PPP1CA: variants seen among roughly 807,000 people sequenced by gnomAD.
PPP1CA encodes serine/threonine-protein phosphatase PP1-alpha catalytic subunit.
PPP1CA carries 14 observed loss-of-function variants against 38.5 expected under a neutral mutation model. That is an observed-to-expected ratio of 0.36 (90% confidence interval 0.24 to 0.57). PPP1CA has a LOEUF of 0.57. Among genes scored for constraint, PPP1CA ranks in the 20% least tolerant of loss-of-function variants. PPP1CA has a pLI of 0.80. For synonymous variants in PPP1CA, 200 were observed against 177.3 expected (o/e 1.13, Z -1.02); for missense variants, 277 against 435.2 (o/e 0.64, Z 3.23).
intron 3 of PPP1CA, 141 bp downstream of exon 3, chr11:67,400,548 G>C: frequency 1.2e-6 from 1 of 824,220 alleles, no homozygotes; most frequent in South Asian, 1.6e-5. Flanking sequence ...GGGCAGGCAC[G>C]AGAACGGACC....
chr11:67,399,911 G>A (rs17878732), intron 3 of PPP1CA, among the ~76,000 whole-genome samples: 6 of 152,280 alleles, frequency 3.9e-5, no homozygotes, highest in African/African-American at 1.2e-4. Flanking sequence ...CGAGGCGGGC[G>A]GATCACCTGA....
At chr11:67,399,209 C>A in intron 4 of PPP1CA, 46 bp from the exon 5 acceptor site, 6 of 1,558,522 alleles carry the variant, frequency 3.8e-6, no homozygotes, top group Non-Finnish European at 5.3e-6. Context: ...GGACATCCTC[C>A]CTCCAGGAAG....
chr11:67,401,001 C>CT, intron 2 of PPP1CA, 67 bp downstream of exon 2: 1 of 1,608,898 alleles, frequency 6.2e-7, no homozygotes, highest in Non-Finnish European at 8.5e-7. Flanking sequence ...GGGAGGAGGG[C>CT]TCCAGGAACT....
At position 67,400,893 on chromosome 11, in the gene PPP1CA, G is replaced by A. The variant is rs1565122218; in HGVS notation, c.214C>T (p.Leu72Phe). 1.2e-6 allele frequency: 2 copies of A among 1,614,162 alleles called. No homozygotes were observed. The highest frequency in any genetic ancestry group is 1.7e-6 in the Non-Finnish European group (2 of 1,180,030). Residue 72 changes from leucine to phenylalanine, a missense_variant, in exon 3 of 7, where the codon CTT (leucine) becomes TTT (phenylalanine). Leu to Phe is a conservative substitution (Grantham distance 22). Transcript: ENST00000376745. ...CCGCCATACTCAAATAGTCGCAGAA[G>A]GTCGTAGTACTGGCCGTGTATGTCA... ...CGDIHGQYYD[L>F]LRLFEYGGFP... is the part of the protein sequence containing the mutation.
chr11:67,398,495 A>G lies in PPP1CA; in HGVS notation c.*40T>C. 1 of 1,591,600 alleles carries G rather than the reference A, an allele frequency of 6.3e-7. No homozygotes were observed. The highest frequency in any genetic ancestry group is 1.1e-5 in the South Asian group (1 of 88,992). ...CAGCATGGCAGCATGATTTCTGTAC[A>G]ATCAATCCATCATCTGGGGCACAGG... On this transcript the variant is annotated 3_prime_UTR_variant, in exon 7 of 7. Transcript: ENST00000376745.
intron 3 of PPP1CA, among the ~76,000 whole-genome samples, chr11:67,400,029 TGG>T (rs1862846920): frequency 2.0e-5 from 3 of 152,230 alleles, no homozygotes; most frequent in Middle Eastern, 3.4e-3. Context: ...CCCAGCTACT[TGG>T]GAGGCTGAGG....
In PPP1CA at chr11:67,398,650, AAG is replaced by A. The variant is rs1234264537; in HGVS notation, c.883-7_883-6del. Reference sequence around the variant, plus strand: ...CTTGTCGGCGGGCTTGAGGATCTAAAAGAGACAGTGTTGGTCAGGCTCATGGG... The same window carrying A: ...CTTGTCGGCGGGCTTGAGGATCTAAAAGACAGTGTTGGTCAGGCTCATGGG... On this transcript the variant is annotated splice_polypyrimidine_tract_variant and splice_region_variant and intron_variant, in intron 6 of 6. Coordinates refer to ENST00000376745, the MANE Select transcript of PPP1CA (RefSeq NM_002708.4). The A allele has an allele frequency of 1.2e-6, 2 of 1,613,966 alleles. No individual in the cohort carries two copies. The highest frequency in any genetic ancestry group is 2.2e-5 in the South Asian group (2 of 91,074).
chr11:67,400,598 C>CTG, intron 3 of PPP1CA, 91 bp downstream of exon 3: 1 of 1,271,964 alleles, frequency 7.9e-7, no homozygotes, highest in South Asian at 1.2e-5. Flanking sequence ...TATCAAGTGT[C>CTG]TGTCAGATAT....
In PPP1CA at chr11:67,398,474, A is replaced by G; in HGVS notation, c.*61T>C. ...GGGGTCGGGGTGACCCCCCCCCAGC[A>G]TGGCAGCATGATTTCTGTACAATCA... On this transcript the variant is annotated 3_prime_UTR_variant, in exon 7 of 7. Transcript: ENST00000376745. The G allele has an allele frequency of 6.5e-7, 1 of 1,535,240 alleles. No homozygotes were observed. The highest frequency in any genetic ancestry group is 1.8e-4 in the Middle Eastern group (1 of 5,454).
intron 1 of PPP1CA, 197 bp downstream of exon 1, chr11:67,401,531 G>A (rs979028884): frequency 1.1e-5 from 6 of 556,478 alleles, no homozygotes; most frequent in Admixed American, 3.5e-5. Context: ...CCCGGGAGAG[G>A]GGGGGAGCTG....
rs1028014060 is a variant in PPP1CA at position 67,398,429 on chromosome 11, C to T, written c.*106G>A. 4 of 1,104,140 alleles carry T rather than the reference C, an allele frequency of 3.6e-6. No homozygotes were observed. The highest frequency in any genetic ancestry group is 3.2e-5 in the African/African-American group (2 of 63,354). 68.4% of individuals were successfully genotyped at this position (1,104,140 alleles called of 1,614,324 possible). A position where few individuals can be genotyped will look rare whatever the true frequency, so the allele number is the denominator to read the frequency against. ...AAAAATACACCAAGGCTCCATGTTC[C>T]CCGTGACAGGTGGGCCTGAGGGGTC... is the stretch of plus-strand genomic sequence containing the variant. On this transcript the variant is annotated 3_prime_UTR_variant, in exon 7 of 7. Coordinates refer to ENST00000376745, the MANE Select transcript of PPP1CA (RefSeq NM_002708.4).
At chr11:67,399,187 T>G in intron 4 of PPP1CA, 24 bp from the exon 5 acceptor site, 1 of 1,599,746 alleles carries the variant, frequency 6.3e-7, no homozygotes, top group Non-Finnish European at 8.6e-7. Flanking sequence ...GGAAGGTCAC[T>G]TCCTCAAACA....
chr11:67,401,227 T>C, intron 1 of PPP1CA, 28 bp from the exon 2 acceptor site: 1 of 1,611,524 alleles, frequency 6.2e-7, no homozygotes, highest in Non-Finnish European at 8.5e-7. Context: ...GTCAGGACCC[T>C]GGACCCTGAC....
At position 67,398,330 on chromosome 11, in the gene PPP1CA, A is replaced by G; in HGVS notation, c.*205T>C. On this transcript the variant is annotated 3_prime_UTR_variant, in exon 7 of 7. Coordinates refer to ENST00000376745, the MANE Select transcript of PPP1CA (RefSeq NM_002708.4). ...GCCTCGGCCCCAGGATCCTGCTCAC[A>G]GTCACCGCAGGTGCAGGCAGGAAGC... 1 of 600,770 alleles carries G rather than the reference A, an allele frequency of 1.7e-6. No homozygotes were observed. Among genetic ancestry groups the G allele is most frequent in the Non-Finnish European group, 2.9e-6 (1 of 348,980 alleles). The allele number at this position is 600,770 out of a possible 1,614,324, so 37.2% of individuals were successfully genotyped here. A position where few individuals can be genotyped will look rare whatever the true frequency, so the allele number is the denominator to read the frequency against.
chr11:67,399,965 G>A (rs189053006), intron 3 of PPP1CA, among the ~76,000 whole-genome samples: 3 of 152,096 alleles, frequency 2.0e-5, no homozygotes, highest in South Asian at 2.1e-4. Flanking sequence ...GAGAAACCTC[G>A]TCTCTACTAA....
chr11:67,398,390 T>C lies in PPP1CA; in HGVS notation c.*145A>G. The C allele has an allele frequency of 1.2e-6, 1 of 827,160 alleles. No individual in the cohort carries two copies. Among genetic ancestry groups the C allele is most frequent in the Non-Finnish European group, 1.9e-6 (1 of 538,836 alleles). The allele number at this position is 827,160 out of a possible 1,614,324, so 51.2% of individuals were successfully genotyped here. On this transcript the variant is annotated 3_prime_UTR_variant, in exon 7 of 7. Coordinates refer to ENST00000376745, the MANE Select transcript of PPP1CA (RefSeq NM_002708.4). ...GGACTGGACGCTGCTATTGATTCAT[T>C]AAAAAAAGAAAAGAAAAATACACCA...
intron 1 of PPP1CA, chr11:67,401,492 A>C: frequency 1.7e-6 from 1 of 584,646 alleles, no homozygotes; most frequent in East Asian, 3.0e-5. Flanking sequence ...CCCTCGCCCC[A>C]AGAGCCCAGG....
chr11:67,398,677 G>T, intron 6 of PPP1CA, 32 bp from the exon 7 acceptor site: 1 of 1,613,442 alleles, frequency 6.2e-7, no homozygotes, highest in South Asian at 1.1e-5. Flanking sequence ...AGGCTCATGG[G>T]GCTGAGCCAC....
intron 2 of PPP1CA, 65 bp downstream of exon 2, chr11:67,401,003 C>G: frequency 6.2e-7 from 1 of 1,608,958 alleles, no homozygotes; most frequent in Non-Finnish European, 8.5e-7. Flanking sequence ...GAGGAGGGCT[C>G]CAGGAACTCT....
Sources: gnomAD v4.1 joint callset for allele counts (sites outside exome capture counted in the v4.1 genomes callset) on GRCh38, gnomAD v4.1.1 for gene constraint, MANE v1.5 for transcripts, NCBI Gene and HGNC (gene_info 2026-07-23, HGNC 2026-07-21) for gene names.